The following RFTN1 variants were observed in gnomAD, a reference collection of about 807,000 sequenced individuals.
The protein encoded by RFTN1 is raftlin.
In RFTN1, 26 loss-of-function variants were observed where a neutral mutation model predicts 46.5. The observed-to-expected ratio is 0.56, with a 90% CI of 0.41 to 0.78. RFTN1 has a LOEUF of 0.78. Ranked by LOEUF, RFTN1 falls within the 30% of genes least tolerant of loss-of-function variation. RFTN1 has a pLI of 0.00. For synonymous variants in RFTN1, 261 were observed against 284.2 expected (o/e 0.92, Z 0.82); for missense variants, 693 against 718.7 (o/e 0.96, Z 0.41).
rs2076684670 is a variant in RFTN1 at position 16,499,917 on chromosome 3, A to G, written c.-8-6040T>C. 1.3e-5 allele frequency among the ~76,000 whole-genome samples: 2 copies of G among 152,330 alleles called. No homozygotes were observed. The highest frequency in any genetic ancestry group is 2.9e-5 in the Non-Finnish European group (2 of 68,038). On this transcript the variant is annotated intron_variant, in intron 1 of 9. Coordinates refer to ENST00000334133, the MANE Select transcript of RFTN1 (RefSeq NM_015150.2). This position sits in a 1 kb window ranked among gnomAD's most constrained non-coding sequence, Gnocchi z 4.9. Reference sequence around the variant, plus strand: ...AAGAGTGGGGTTGTTGGGTTATATGATAAGTGCAGGAGCCCTGTTAATGAA... The same window carrying G: ...AAGAGTGGGGTTGTTGGGTTATATGGTAAGTGCAGGAGCCCTGTTAATGAA...
intron 1 of RFTN1, among the ~76,000 whole-genome samples, chr3:16,496,623 C>G (rs2076630533): frequency 6.6e-6 from 1 of 152,180 alleles, no homozygotes; most frequent in Non-Finnish European, 1.5e-5. Context: ...TTCCCCTACA[C>G]TGATGGTGAG....
rs919136473 is a variant in RFTN1 at position 16,381,889 on chromosome 3, C to T, written c.442-3787G>A. ...AGTTCACCCTGCAGGCCAGCATATC[C>T]GACTCTCCCACCACAGTCATAACCT... On this transcript the variant is annotated intron_variant, in intron 4 of 9. Transcript: ENST00000334133. The surrounding 1 kb of genome is among the most constrained non-coding windows in gnomAD (Gnocchi z 4.2). Among the ~76,000 whole-genome samples, 2 of 152,152 alleles carry T rather than the reference C, an allele frequency of 1.3e-5. No individual in the cohort carries two copies. The highest frequency in any genetic ancestry group is 2.4e-5 in the African/African-American group (1 of 41,420).
In RFTN1 at chr3:16,337,163, G is replaced by C. The variant is rs1043438224; in HGVS notation, c.1147-10287C>G. ...GCCCAGGCTAGCCTTCGGATGATGA[G>C]AGACCTGTGGCCCTGCTAAGCAGCA... On this transcript the variant is annotated intron_variant, in intron 7 of 9. Transcript: ENST00000334133. The surrounding 1 kb of genome is among the most constrained non-coding windows in gnomAD (Gnocchi z 5.0). 1.3e-5 allele frequency: 2 copies of C among 152,218 alleles called. No homozygotes were observed. Among genetic ancestry groups the C allele is most frequent in the African/African-American group, 4.8e-5 (2 of 41,448 alleles). The allele number at this position is 152,218 out of a possible 1,614,324, so 9.4% of individuals were successfully genotyped here.
rs2075814512 is a variant in RFTN1, at chr3:16,451,033, G to T, written c.146-16996C>A. ...TCTGGACTGGGGATAGAAAACGGAG[G>T]CTCACGTACCTGTGCATAAATGCTC... is the stretch of plus-strand genomic sequence containing the variant. On this transcript the variant is annotated intron_variant, in intron 2 of 9. Transcript: ENST00000334133. This position sits in a 1 kb window ranked among gnomAD's most constrained non-coding sequence, Gnocchi z 4.2. 6.6e-6 allele frequency among the ~76,000 whole-genome samples: 1 copy of T among 152,110 alleles called. No homozygotes were observed. The highest frequency in any genetic ancestry group is 1.5e-5 in the Non-Finnish European group (1 of 68,028).
chr3:16,505,470 C>T (rs928835230), intron 1 of RFTN1, among the ~76,000 whole-genome samples: 1 of 152,106 alleles, frequency 6.6e-6, no homozygotes, highest in African/African-American at 2.4e-5. Context: ...TAGAGAGAGA[C>T]AAATAGAGGT....
chr3:16,342,589 G>C lies in RFTN1; in HGVS notation c.1146+15343C>G, dbSNP rs2071388396. 6.6e-6 allele frequency among the ~76,000 whole-genome samples: 1 copy of C among 152,084 alleles called. No homozygotes were observed. Among genetic ancestry groups the C allele is most frequent in the Non-Finnish European group, 1.5e-5 (1 of 68,018 alleles). On this transcript the variant is annotated intron_variant, in intron 7 of 9. Transcript: ENST00000334133. This position sits in a 1 kb window ranked among gnomAD's most constrained non-coding sequence, Gnocchi z 4.0. ...ATATGGTAACTATGTTTAACATTTT[G>C]GGAAAGTGTCCATGGATCACTTTTA...
chr3:16,321,097 GC>G lies in RFTN1; in HGVS notation c.1332+2278del, dbSNP rs1359215426. On this transcript the variant is annotated intron_variant, in intron 9 of 9. Coordinates refer to ENST00000334133, the MANE Select transcript of RFTN1 (RefSeq NM_015150.2). This position sits in a 1 kb window ranked among gnomAD's most constrained non-coding sequence, Gnocchi z 4.8. ...ATAGGGGAAGGAGAGGGGAGGGTCA[GC>G]AGGGATAGCCCCTAAGGTGCAATGC... Among the ~76,000 whole-genome samples the G allele has an allele frequency of 3.9e-5, 6 of 152,264 alleles. No individual in the cohort carries two copies. The East Asian group carries it at 9.6e-4, about 24-fold the overall frequency.
At chr3:16,503,102 T>C (rs58038619) in intron 1 of RFTN1, among the ~76,000 whole-genome samples, 77,971 of 151,866 alleles carry the variant, frequency 0.51, 20,314 homozygotes, top group East Asian at 0.66. Flanking sequence ...CTCCTCCAAC[T>C]CCCACACCTA....
At chr3:16,331,800 T>G (rs890901114) in intron 7 of RFTN1, among the ~76,000 whole-genome samples, 1 of 152,234 alleles carries the variant, frequency 6.6e-6, no homozygotes, top group Non-Finnish European at 1.5e-5. Context: ...GAGCACATCC[T>G]GTAGTGACTC....
In RFTN1 at chr3:16,356,062, C is replaced by G. The variant is rs1451738167; in HGVS notation, c.1146+1870G>C. Among the ~76,000 whole-genome samples, 2 of 152,212 alleles carry G rather than the reference C, an allele frequency of 1.3e-5. No homozygotes were observed. Among genetic ancestry groups the G allele is most frequent in the Non-Finnish European group, 2.9e-5 (2 of 68,030 alleles). ...ATGCCGGCTGCTCAGTCCTTCAGAT[C>G]CTCAACTCTTGGCATTTCATATTTC... is the stretch of plus-strand genomic sequence containing the variant. On this transcript the variant is annotated intron_variant, in intron 7 of 9. Coordinates refer to ENST00000334133, the MANE Select transcript of RFTN1 (RefSeq NM_015150.2). The surrounding 1 kb of genome is among the most constrained non-coding windows in gnomAD (Gnocchi z 4.9).
intron 2 of RFTN1, 43 bp downstream of exon 2, chr3:16,493,682 G>A: frequency 6.4e-7 from 1 of 1,552,174 alleles, no homozygotes; most frequent in Non-Finnish European, 8.7e-7. Context: ...GCCCCTGCTG[G>A]AGACCCCACC....
In RFTN1 at chr3:16,475,535, A is replaced by G. The variant is rs1047028187; in HGVS notation, c.145+18190T>C. ...CTACTGGGTGAGGTGAATGATCCCA[A>G]TTTCCACAGGGAAACTGGACTGGTG... On this transcript the variant is annotated intron_variant, in intron 2 of 9. Transcript: ENST00000334133. The surrounding 1 kb of genome is among the most constrained non-coding windows in gnomAD (Gnocchi z 4.2). Among the ~76,000 whole-genome samples the G allele has an allele frequency of 6.6e-6, 1 of 152,190 alleles. No individual in the cohort carries two copies. Among genetic ancestry groups the G allele is most frequent in the Non-Finnish European group, 1.5e-5 (1 of 68,020 alleles).
At chr3:16,467,915 C>T (rs1253044051) in intron 2 of RFTN1, among the ~76,000 whole-genome samples, 1 of 152,150 alleles carries the variant, frequency 6.6e-6, no homozygotes, top group African/African-American at 2.4e-5. Context: ...TGGCAGCACC[C>T]ACCTAAGAGT....
At chr3:16,503,764 G>C (rs905034392) in intron 1 of RFTN1, among the ~76,000 whole-genome samples, 5 of 152,018 alleles carry the variant, frequency 3.3e-5, no homozygotes, top group Admixed American at 3.3e-4. Flanking sequence ...GCAAGCACAG[G>C]CACCTCCTAC....
At chr3:16,372,179 G>A (rs1350820124) in intron 5 of RFTN1, among the ~76,000 whole-genome samples, 1 of 152,180 alleles carries the variant, frequency 6.6e-6, no homozygotes, top group East Asian at 1.9e-4. Context: ...GAAGGAGTAG[G>A]AATGGGCAAC....
rs898927447 is a variant in RFTN1, at chr3:16,421,495, G to A, written c.333-12012C>T. Among the ~76,000 whole-genome samples the A allele has an allele frequency of 1.8e-4, 28 of 152,082 alleles. No individual in the cohort carries two copies. The highest frequency in any genetic ancestry group is 6.0e-4 in the African/African-American group (25 of 41,410). On this transcript the variant is annotated intron_variant, in intron 3 of 9. Transcript: ENST00000334133. The surrounding 1 kb of genome is among the most constrained non-coding windows in gnomAD (Gnocchi z 4.6). ...GCCCCCGGAGTAGCTGGGACTACAGGTGCATGCCACCATGCCCAGCTAATT... is the reference window on the plus strand; with the variant it reads ...GCCCCCGGAGTAGCTGGGACTACAGATGCATGCCACCATGCCCAGCTAATT...
chr3:16,419,817 G>A (rs2075151864), intron 3 of RFTN1, among the ~76,000 whole-genome samples: 1 of 152,228 alleles, frequency 6.6e-6, no homozygotes, highest in African/African-American at 2.4e-5. Context: ...ACCCACAGAT[G>A]AGTCACTGTC....
At chr3:16,505,783 C>T (rs2076794798) in intron 1 of RFTN1, among the ~76,000 whole-genome samples, 3 of 152,200 alleles carry the variant, frequency 2.0e-5, no homozygotes, top group Admixed American at 2.0e-4. Flanking sequence ...TGGCCAAAAA[C>T]TAGGCACCGT....
chr3:16,444,906 CTGTA>C (rs984201756), intron 2 of RFTN1, among the ~76,000 whole-genome samples: 2 of 152,178 alleles, frequency 1.3e-5, no homozygotes, highest in East Asian at 1.9e-4. Context: ...TCTTTCTTAA[CTGTA>C]TGTATAGCTC....
Sources: gnomAD v4.1 joint callset for allele counts (sites outside exome capture counted in the v4.1 genomes callset) on GRCh38, gnomAD v4.1.1 for gene constraint, Gnocchi (gnomAD v3.1) non-coding constraint, MANE v1.5 for transcripts, NCBI Gene and HGNC (gene_info 2026-07-23, HGNC 2026-07-21) for gene names.